The following HEYL variants were observed in gnomAD, a reference collection of about 807,000 sequenced individuals.
HEYL encodes the protein hairy/enhancer-of-split related with YRPW motif-like protein.
In HEYL, 12 loss-of-function variants were observed where a neutral mutation model predicts 18.6. The ratio of observed to expected loss-of-function variants is 0.65; its 90% CI spans 0.41 to 1.05. HEYL has a LOEUF of 1.05. Ranked by LOEUF, HEYL falls within the 50% of genes least tolerant of loss-of-function variation. The pLI, the probability that HEYL is intolerant of heterozygous loss-of-function variation, is 0.00. For missense variants in HEYL, 420 were observed against 444.7 expected (o/e 0.94, Z 0.50); for synonymous variants, 159 against 179.6 (o/e 0.89, Z 0.91).
chr1:39,635,517 C>T (rs1006631709), intron 1 of HEYL, among the ~76,000 whole-genome samples: 3 of 152,192 alleles, frequency 2.0e-5, no homozygotes, highest in African/African-American at 4.8e-5. Context: ...TTGTCCCTGT[C>T]GTATTATTTC....
intron 4 of HEYL, among the ~76,000 whole-genome samples, chr1:39,629,577 G>A (rs1646320788): frequency 6.6e-6 from 1 of 152,170 alleles, no homozygotes; most frequent in South Asian, 2.1e-4. Context: ...TGGAACTTAG[G>A]TCTTTGTGGC....
At chr1:39,639,303 G>A (rs1646375230) in intron 1 of HEYL, among the ~76,000 whole-genome samples, 1 of 152,156 alleles carries the variant, frequency 6.6e-6, no homozygotes, top group Non-Finnish European at 1.5e-5. Context: ...CCCCCGAGCT[G>A]AACTCTCCCT....
In HEYL at chr1:39,626,735, C is replaced by T. The variant is rs375295630; in HGVS notation, c.759G>A (p.Arg253=). The change falls in exon 5 of 5, where the codon AGG becomes AGA. Residue 253 remains arginine (R), a synonymous_variant. Coordinates refer to ENST00000372852, the MANE Select transcript of HEYL (RefSeq NM_014571.4). The part of the protein sequence containing the change: ...SSTRRARPLE[R]PATPVPVAPS... ...GGGCGACAGGCACAGGGGTCGCTGG[C>T]CTCTCTAGGGGGCGGGCCCTCCGGG... The T allele has an allele frequency of 2.0e-6, 3 of 1,513,896 alleles. No homozygotes were observed. Among genetic ancestry groups the T allele is most frequent in the East Asian group, 2.4e-5 (1 of 40,928 alleles). The allele number at this position is 1,513,896 out of a possible 1,614,324, so 93.8% of individuals were successfully genotyped here. A position where few individuals can be genotyped will look rare whatever the true frequency, so the allele number is the denominator to read the frequency against.
At chr1:39,629,502 C>T (rs1290601888) in intron 4 of HEYL, among the ~76,000 whole-genome samples, 1 of 152,170 alleles carries the variant, frequency 6.6e-6, no homozygotes, top group African/African-American at 2.4e-5. Flanking sequence ...ACTGAGGCTT[C>T]AGAAGCACCA....
intron 4 of HEYL, among the ~76,000 whole-genome samples, chr1:39,629,746 A>C (rs1646321870): frequency 6.6e-6 from 1 of 152,188 alleles, no homozygotes; most frequent in South Asian, 2.1e-4. Flanking sequence ...AAAATGAGTT[A>C]ATTTGTGTCC....
chr1:39,626,480 C>T lies in HEYL; in HGVS notation c.*27G>A. On this transcript the variant is annotated 3_prime_UTR_variant, in exon 5 of 5. Transcript: ENST00000372852. ...CCTGGTAAAAGAACCTTCCTTATTC[C>T]TTGGGGCGGGGTGGTGAAGGGGCAG... The T allele has an allele frequency of 6.8e-7, 1 of 1,478,356 alleles. No individual in the cohort carries two copies. Among genetic ancestry groups the T allele is most frequent in the Non-Finnish European group, 9.0e-7 (1 of 1,117,022 alleles). 91.6% of individuals were successfully genotyped at this position (1,478,356 alleles called of 1,614,324 possible). A position where few individuals can be genotyped will look rare whatever the true frequency, so the allele number is the denominator to read the frequency against.
chr1:39,626,684 G>A lies in HEYL; in HGVS notation c.810C>T (p.Ser270=). Residue 270 remains serine (S), a synonymous_variant, in exon 5 of 5, where the codon AGC becomes AGT. Transcript: ENST00000372852. Reference sequence around the variant, plus strand: ...AAGACTGCAGGAGGGGAGCGATGTGGCTGCTCCTGGCAGCCCTGCTGCTGG... The same window carrying A: ...AAGACTGCAGGAGGGGAGCGATGTGACTGCTCCTGGCAGCCCTGCTGCTGG... ...VAPSSRAARS[S]HIAPLLQSSS... The A allele has an allele frequency of 1.3e-6, 2 of 1,510,982 alleles. No homozygotes were observed. The highest frequency in any genetic ancestry group is 2.6e-5 in the South Asian group (2 of 76,036). 93.6% of individuals were successfully genotyped at this position (1,510,982 alleles called of 1,614,324 possible).
intron 1 of HEYL, chr1:39,633,161 C>A: frequency 1.0e-6 from 1 of 972,404 alleles, no homozygotes; most frequent in Non-Finnish European, 1.2e-6. Context: ...GCCGGCCGCC[C>A]GCCCTCCGCC....
Position 39,624,307 on chromosome 1 carries a change from A to G in HEYL, c.*2200T>C, listed in dbSNP as rs946282069. ...TCACACAGTCACCTTTCCTTCCACAATATCCCAGGGACAATGAAAGCAAGT... is the reference window on the plus strand; with the variant it reads ...TCACACAGTCACCTTTCCTTCCACAGTATCCCAGGGACAATGAAAGCAAGT... On this transcript the variant is annotated 3_prime_UTR_variant, in exon 5 of 5. Coordinates refer to ENST00000372852, the MANE Select transcript of HEYL (RefSeq NM_014571.4). The G allele has an allele frequency of 2.0e-5, 3 of 152,274 alleles. No homozygotes were observed. Among genetic ancestry groups the G allele is most frequent in the African/African-American group, 4.8e-5 (2 of 41,468 alleles). 9.4% of individuals were successfully genotyped at this position (152,274 alleles called of 1,614,324 possible).
At position 39,624,393 on chromosome 1, in the gene HEYL, C is replaced by A. The variant is rs1646284738; in HGVS notation, c.*2114G>T. ...TCTCATTTCAGTGGCATCACAGATT[C>A]TTTGGAGTTGCATGCTTGCAACGTG... is the stretch of plus-strand genomic sequence containing the variant. On this transcript the variant is annotated 3_prime_UTR_variant, in exon 5 of 5. Transcript: ENST00000372852. The A allele has an allele frequency of 6.6e-6, 1 of 152,244 alleles. No individual in the cohort carries two copies. The highest frequency in any genetic ancestry group is 2.1e-4 in the South Asian group (1 of 4,832). 9.4% of individuals were successfully genotyped at this position (152,244 alleles called of 1,614,324 possible).
rs201840029 is a variant in HEYL at position 39,626,709 on chromosome 1, G to A, written c.785C>T (p.Pro262Leu). 4.5e-4 allele frequency: 680 copies of A among 1,503,648 alleles called. No homozygotes were observed. The highest frequency in any genetic ancestry group is 5.5e-4 in the Non-Finnish European group (621 of 1,123,180). 93.1% of individuals were successfully genotyped at this position (1,503,648 alleles called of 1,614,324 possible). Residue 262 changes from proline to leucine, a missense_variant, in exon 5 of 5, where the codon CCC becomes CTC. Transcript: ENST00000372852. ...ERPATPVPVA[P>L]SSRAARSSHI... Reference sequence around the variant, plus strand: ...GCTGCTCCTGGCAGCCCTGCTGCTGGGGGCGACAGGCACAGGGGTCGCTGG... The same window carrying A: ...GCTGCTCCTGGCAGCCCTGCTGCTGAGGGCGACAGGCACAGGGGTCGCTGG...
At position 39,626,262 on chromosome 1, in the gene HEYL, G is replaced by C; in HGVS notation, c.*245C>G. 2.0e-6 allele frequency: 1 copy of C among 509,370 alleles called. No homozygotes were observed. The highest frequency in any genetic ancestry group is 3.4e-5 in the East Asian group (1 of 29,754). 31.6% of individuals were successfully genotyped at this position (509,370 alleles called of 1,614,324 possible). On this transcript the variant is annotated 3_prime_UTR_variant, in exon 5 of 5. Coordinates refer to ENST00000372852, the MANE Select transcript of HEYL (RefSeq NM_014571.4). ...TGAGGGTCTCTCCCAGGACTCATCT[G>C]TTCAGGTGAGAAATGGAACCAAGCC...
intron 1 of HEYL, among the ~76,000 whole-genome samples, chr1:39,637,121 A>G (rs1275108155): frequency 6.6e-6 from 1 of 152,220 alleles, no homozygotes; most frequent in African/African-American, 2.4e-5. Context: ...TTGTGCAGGA[A>G]CAGGACCCTG....
At chr1:39,631,370 A>G (rs1646331794) in intron 3 of HEYL, 126 bp downstream of exon 3, 2 of 761,734 alleles carry the variant, frequency 2.6e-6, no homozygotes, top group Non-Finnish European at 4.6e-6. Context: ...GGCCAGTGAC[A>G]GATATTGGTA....
rs749770548 is a variant in HEYL at position 39,626,516 on chromosome 1, CCCGATTTCA to C, written c.969_977del (p.Glu324_Gly326del). 15 of 1,528,292 alleles carry C rather than the reference CCCGATTTCA, an allele frequency of 9.8e-6. No individual in the cohort carries two copies. Among genetic ancestry groups the C allele is most frequent in the Non-Finnish European group, 1.3e-5 (15 of 1,137,826 alleles). 94.7% of individuals were successfully genotyped at this position (1,528,292 alleles called of 1,614,324 possible). ...GTGGTGAAGGGGCAGCTCAGAAAGC[CCCGATTTCA>C]GTGATTTCAGAGACCCAGGAGTGGT... On this transcript the variant is annotated inframe_deletion, in exon 5 of 5. Coordinates refer to ENST00000372852, the MANE Select transcript of HEYL (RefSeq NM_014571.4).
intron 1 of HEYL, chr1:39,633,154 G>A (rs958004755): frequency 2.0e-6 from 2 of 980,690 alleles, no homozygotes; most frequent in African/African-American, 1.8e-5. Flanking sequence ...CGGGCGCGCC[G>A]GCCGCCCGCC....
At chr1:39,631,237 T>C (rs545309345) in intron 3 of HEYL, among the ~76,000 whole-genome samples, 2 of 152,366 alleles carry the variant, frequency 1.3e-5, no homozygotes, top group East Asian at 3.8e-4. Flanking sequence ...TCAGTTTCTT[T>C]ACCTGTGCCA....
In HEYL at chr1:39,626,175, G is replaced by C; in HGVS notation, c.*332C>G. 4.0e-6 allele frequency: 1 copy of C among 251,006 alleles called. No individual in the cohort carries two copies. Among genetic ancestry groups the C allele is most frequent in the Non-Finnish European group, 7.6e-6 (1 of 132,198 alleles). 15.5% of individuals were successfully genotyped at this position (251,006 alleles called of 1,614,324 possible). ...CCCTGCAGGTTAAAGCTTTTTCCCA[G>C]ACCCAAGGTTCATGCCTGCTGCTGG... On this transcript the variant is annotated 3_prime_UTR_variant, in exon 5 of 5. Coordinates refer to ENST00000372852, the MANE Select transcript of HEYL (RefSeq NM_014571.4).
chr1:39,633,530 G>T (rs991266518), intron 1 of HEYL: 3 of 152,222 alleles, frequency 2.0e-5, no homozygotes, highest in African/African-American at 7.2e-5. Context: ...GTCCACTGAG[G>T]CATCATTCAT....
Sources: allele counts gnomAD v4.1 joint callset (sites outside exome capture counted in the v4.1 genomes callset), GRCh38; gene constraint gnomAD v4.1.1; transcripts MANE v1.5; gene names NCBI Gene and HGNC (gene_info 2026-07-23, HGNC 2026-07-21).